The following PRKACB variants were observed in gnomAD, a reference collection of about 807,000 sequenced individuals.
PRKACB encodes cAMP-dependent protein kinase catalytic subunit beta.
A neutral mutation model predicts 51.4 loss-of-function variants in PRKACB; 16 were observed. The ratio of observed to expected loss-of-function variants is 0.31; its 90% CI spans 0.21 to 0.47. PRKACB has a LOEUF of 0.47. Among genes scored for constraint, PRKACB ranks in the 20% least tolerant of loss-of-function variants. The pLI is 1.00. For missense variants in PRKACB, 309 were observed against 464.5 expected (o/e 0.67, Z 3.08); for synonymous variants, 147 against 154.4 (o/e 0.95, Z 0.35).
At chr1:84,110,735 T>C (rs1650162373) in intron 1 of PRKACB, among the ~76,000 whole-genome samples, 1 of 152,058 alleles carries the variant, frequency 6.6e-6, no homozygotes, top group Non-Finnish European at 1.5e-5. Context: ...CTTTCTATCT[T>C]TGTGACAACA....
chr1:84,129,203 TG>T (rs1311901116), intron 1 of PRKACB, among the ~76,000 whole-genome samples: 2 of 152,186 alleles, frequency 1.3e-5, no homozygotes, highest in Non-Finnish European at 2.9e-5. Context: ...ATTAACTTAC[TG>T]CTTAATATTC....
chr1:84,096,535 C>G (rs1178160242), intron 1 of PRKACB, among the ~76,000 whole-genome samples: 1 of 152,090 alleles, frequency 6.6e-6, no homozygotes, highest in African/African-American at 2.4e-5. Context: ...TGAGGAAATG[C>G]CCTGAGGGCA....
chr1:84,204,771 C>G (rs980793922), intron 8 of PRKACB: 56 of 889,078 alleles, frequency 6.3e-5, no homozygotes, highest in Non-Finnish European at 7.4e-5. Context: ...TATAAGAAAT[C>G]CAATTTTCTA....
At chr1:84,150,471 C>T (rs1188441802) in intron 1 of PRKACB, among the ~76,000 whole-genome samples, 1 of 151,948 alleles carries the variant, frequency 6.6e-6, no homozygotes, top group Non-Finnish European at 1.5e-5. Context: ...GAATGTGATC[C>T]CCAGTGTTGG....
chr1:84,089,719 G>C (rs1045808126), intron 1 of PRKACB, among the ~76,000 whole-genome samples: 2 of 152,060 alleles, frequency 1.3e-5, no homozygotes, highest in African/African-American at 2.4e-5. Flanking sequence ...TGTTCATTCA[G>C]ATGTCTAGTC....
chr1:84,207,383 C>T (rs1210018307), intron 8 of PRKACB, among the ~76,000 whole-genome samples: 1 of 152,158 alleles, frequency 6.6e-6, no homozygotes, highest in Non-Finnish European at 1.5e-5. Flanking sequence ...TTTCTTTTCA[C>T]ATATAGAATC....
At chr1:84,133,517 C>A (rs180710034) in intron 1 of PRKACB, among the ~76,000 whole-genome samples, 1 of 152,096 alleles carries the variant, frequency 6.6e-6, no homozygotes, top group Admixed American at 6.5e-5. Context: ...GATAATGAAA[C>A]AGGAAGTTTT....
intron 1 of PRKACB, among the ~76,000 whole-genome samples, chr1:84,092,825 T>C (rs1367622783): frequency 6.6e-6 from 1 of 152,120 alleles, no homozygotes; most frequent in East Asian, 1.9e-4. Flanking sequence ...TTATGACTGA[T>C]AGTGTTGATC....
chr1:84,086,326 C>T, intron 1 of PRKACB: 1 of 791,780 alleles, frequency 1.3e-6, no homozygotes. Context: ...GCCCCTGGGG[C>T]CCAGGCTCCA....
At chr1:84,183,610 A>T (rs1394462692) in intron 3 of PRKACB, among the ~76,000 whole-genome samples, 4 of 151,946 alleles carry the variant, frequency 2.6e-5, no homozygotes, top group Admixed American at 2.6e-4. Flanking sequence ...GATTTGAGCC[A>T]GCTTTTATAG....
At chr1:84,148,654 A>T (rs1186789186) in intron 1 of PRKACB, among the ~76,000 whole-genome samples, 2 of 152,216 alleles carry the variant, frequency 1.3e-5, no homozygotes, top group Non-Finnish European at 1.5e-5. Flanking sequence ...AACCAAAAGC[A>T]GTCAAATGCT....
chr1:84,221,184 T>C (rs1176747330), intron 9 of PRKACB, among the ~76,000 whole-genome samples: 1 of 152,116 alleles, frequency 6.6e-6, no homozygotes, highest in Non-Finnish European at 1.5e-5. Context: ...GTAGGTTGTA[T>C]GTGTCCAAGA....
intron 1 of PRKACB, chr1:84,164,766 A>G: frequency 7.2e-7 from 1 of 1,381,712 alleles, no homozygotes; most frequent in South Asian, 1.9e-5. Context: ...CAGTCTAGTT[A>G]TAGACATCTT....
intron 9 of PRKACB, among the ~76,000 whole-genome samples, chr1:84,221,084 A>G (rs994621369): frequency 6.6e-6 from 1 of 151,850 alleles, no homozygotes; most frequent in African/African-American, 2.4e-5. Context: ...CTTTTCTTTA[A>G]TGTTTGATGG....
chr1:84,124,066 A>T (rs548426598), intron 1 of PRKACB, among the ~76,000 whole-genome samples: 1 of 152,192 alleles, frequency 6.6e-6, no homozygotes, highest in African/African-American at 2.4e-5. Context: ...AAGCTATCTC[A>T]TAAAAAAGCT....
In PRKACB at chr1:84,153,855, T is replaced by A. The variant is rs183406826; in HGVS notation, c.187+9307T>A. ...ACATGGGAGTACAGATATCTAGATATCTCTTAGACATACTGATTTCTTTCT... is the reference window on the plus strand; with the variant it reads ...ACATGGGAGTACAGATATCTAGATAACTCTTAGACATACTGATTTCTTTCT... On this transcript the variant is annotated intron_variant, in intron 1 of 9. Transcript: ENST00000370685. 3.9e-5 allele frequency among the ~76,000 whole-genome samples: 6 copies of A among 152,264 alleles called. No homozygotes were observed. The East Asian group carries it at 7.7e-4, about 20-fold the overall frequency.
chr1:84,081,012 G>A (rs948820837), intron 1 of PRKACB, among the ~76,000 whole-genome samples: 1 of 152,068 alleles, frequency 6.6e-6, no homozygotes, highest in East Asian at 1.9e-4. Flanking sequence ...TACCTGAAAG[G>A]CAAAAATACA....
chr1:84,140,316 T>G (rs554851061), upstream of PRKACB, among the ~76,000 whole-genome samples: 86 of 152,296 alleles, frequency 5.6e-4, 1 homozygote, highest in South Asian at 0.017. Flanking sequence ...GCCATATAAA[T>G]GAGTGAATAT....
chr1:84,155,497 C>T (rs1056924696), intron 1 of PRKACB, among the ~76,000 whole-genome samples: 7 of 152,022 alleles, frequency 4.6e-5, no homozygotes, highest in Non-Finnish European at 2.9e-5. Context: ...TGACAGGTTT[C>T]GCAAAAATAG....
Sources: allele counts gnomAD v4.1 joint callset (sites outside exome capture counted in the v4.1 genomes callset), GRCh38; gene constraint gnomAD v4.1.1; transcripts MANE v1.5; gene names NCBI Gene and HGNC (gene_info 2026-07-23, HGNC 2026-07-21).